The following AUTS2 variants were observed in gnomAD, a reference collection of about 807,000 sequenced individuals.
AUTS2 encodes activator of transcription and developmental regulator AUTS2.
A neutral mutation model predicts 112.4 loss-of-function variants in AUTS2; 17 were observed. The ratio of observed to expected loss-of-function variants is 0.15; its 90% CI spans 0.10 to 0.23. AUTS2 has a LOEUF of 0.23. AUTS2 is among the 10% of genes least tolerant of loss of function. The pLI, the probability that AUTS2 is intolerant of heterozygous loss-of-function variation, is 1.00. For missense variants in AUTS2, 1,510 were observed against 1,701.6 expected, an observed-to-expected ratio of 0.89 and a Z score of 1.98; for synonymous variants, 751 against 702.7, an observed-to-expected ratio of 1.07 and a Z score of -1.09.
chr7:69,793,338 C>T (rs984461325), intron 1 of AUTS2, among the ~76,000 whole-genome samples: 3 of 152,204 alleles, frequency 2.0e-5, no homozygotes, highest in Non-Finnish European at 4.4e-5. Context: ...ATTCGTCAAA[C>T]ATTTATTGAG....
intron 1 of AUTS2, among the ~76,000 whole-genome samples, chr7:69,815,431 G>T (rs1790715546): frequency 6.6e-6 from 1 of 152,082 alleles, no homozygotes; most frequent in Non-Finnish European, 1.5e-5. Context: ...GTTACCTTTG[G>T]AATGATAGAT....
intron 5 of AUTS2, among the ~76,000 whole-genome samples, chr7:70,529,282 A>G (rs968127943): frequency 1.3e-5 from 2 of 152,230 alleles, no homozygotes; most frequent in African/African-American, 4.8e-5. Context: ...ATAAAGAGCT[A>G]AAAAATTTAT....
chr7:70,146,706 C>T (rs573572062), intron 4 of AUTS2, among the ~76,000 whole-genome samples: 10 of 152,180 alleles, frequency 6.6e-5, no homozygotes, highest in Admixed American at 5.2e-4. Context: ...TTCAGGTCAT[C>T]GTGGTGGCAA....
At chr7:69,991,091 AT>A (rs1441311567) in intron 2 of AUTS2, among the ~76,000 whole-genome samples, 5 of 152,206 alleles carry the variant, frequency 3.3e-5, no homozygotes, top group African/African-American at 1.2e-4. Flanking sequence ...GCTAGTAAAA[AT>A]GAAAGAGAGT....
intron 4 of AUTS2, among the ~76,000 whole-genome samples, chr7:70,306,645 C>G (rs1472540376): frequency 1.3e-5 from 2 of 152,090 alleles, no homozygotes; most frequent in Non-Finnish European, 2.9e-5. Flanking sequence ...AAACACTGGG[C>G]AGTATGATGC....
chr7:69,766,182 A>G (rs1271130270), intron 1 of AUTS2, among the ~76,000 whole-genome samples: 3 of 152,228 alleles, frequency 2.0e-5, no homozygotes, highest in Non-Finnish European at 4.4e-5. Context: ...TAAGTATCTC[A>G]TATAACTGGA....
rs143634837 is a variant in AUTS2 at position 70,155,401 on chromosome 7, T to C, written c.660+20830T>C. Among the ~76,000 whole-genome samples the C allele has an allele frequency of 2.5e-3, 375 of 151,776 alleles. 1 individual carries two copies. The highest frequency in any genetic ancestry group is 8.6e-3 in the African/African-American group (355 of 41,366). ...TGACTGCATGGGCTCTTGAATGTGG[T>C]CTTTACTTTGATTGTGGCCTCAACA... On this transcript the variant is annotated intron_variant, in intron 4 of 18. Transcript: ENST00000342771.
intron 4 of AUTS2, among the ~76,000 whole-genome samples, chr7:70,390,946 G>GT (rs1384672445): frequency 6.6e-6 from 1 of 152,180 alleles, no homozygotes; most frequent in African/African-American, 2.4e-5. Context: ...ACACTCCAAA[G>GT]TTTGAGAATG....
chr7:70,197,500 CGAA>C (rs1810247391), intron 4 of AUTS2, among the ~76,000 whole-genome samples: 1 of 133,666 alleles, frequency 7.5e-6, no homozygotes, highest in Non-Finnish European at 1.6e-5. Context: ...GTGCGCGAGC[CGAA>C]GCAGGGCGAG....
intron 7 of AUTS2, among the ~76,000 whole-genome samples, chr7:70,763,992 G>A (rs1302309589): frequency 6.6e-6 from 1 of 152,188 alleles, no homozygotes; most frequent in Non-Finnish European, 1.5e-5. Context: ...GAGGAACACA[G>A]CAAAGAAAAG....
intron 2 of AUTS2, among the ~76,000 whole-genome samples, chr7:70,078,548 G>A (rs1584686505): frequency 6.6e-6 from 1 of 152,034 alleles, no homozygotes; most frequent in African/African-American, 2.4e-5. Flanking sequence ...TTTCTCTTTT[G>A]TACCTACCAT....
chr7:70,718,695 A>G (rs1422448687), intron 6 of AUTS2, among the ~76,000 whole-genome samples: 1 of 152,140 alleles, frequency 6.6e-6, no homozygotes, highest in Non-Finnish European at 1.5e-5. Flanking sequence ...AAAAAAACCC[A>G]ATAACACAGA....
chr7:70,595,214 A>G (rs976813930), intron 5 of AUTS2, among the ~76,000 whole-genome samples: 3 of 152,084 alleles, frequency 2.0e-5, no homozygotes, highest in Non-Finnish European at 2.9e-5. Context: ...ATCCTCAGCC[A>G]CTGGTTTCTA....
intron 4 of AUTS2, among the ~76,000 whole-genome samples, chr7:70,307,096 T>C (rs1789527816): frequency 6.6e-6 from 1 of 152,216 alleles, no homozygotes; most frequent in Non-Finnish European, 1.5e-5. Flanking sequence ...TGACTATGGA[T>C]GGTACTTAGC....
At chr7:70,539,166 A>G (rs1424880470) in intron 5 of AUTS2, among the ~76,000 whole-genome samples, 1 of 152,138 alleles carries the variant, frequency 6.6e-6, no homozygotes, top group Non-Finnish European at 1.5e-5. Context: ...CTGGTACAGC[A>G]CTAAGAATCC....
chr7:70,019,828 G>C (rs1343425089), intron 2 of AUTS2, among the ~76,000 whole-genome samples: 3 of 152,078 alleles, frequency 2.0e-5, no homozygotes, highest in African/African-American at 4.8e-5. Context: ...AAAAATTTTC[G>C]TATGTGATTT....
At chr7:70,071,486 C>T (rs1021383287) in intron 2 of AUTS2, among the ~76,000 whole-genome samples, 2 of 152,180 alleles carry the variant, frequency 1.3e-5, no homozygotes, top group Non-Finnish European at 2.9e-5. Flanking sequence ...TCCCCCTCTC[C>T]TCTCCCACAG....
Position 69,955,713 on chromosome 7 carries a change from T to G in AUTS2, c.522+56215T>G, listed in dbSNP as rs145734709. Reference sequence around the variant, plus strand: ...CCAACCCAAAGTTTAGGGCCTCAATTCCCTGTATGGCCCATGTTCCGTGGC... The same window carrying G: ...CCAACCCAAAGTTTAGGGCCTCAATGCCCTGTATGGCCCATGTTCCGTGGC... On this transcript the variant is annotated intron_variant, in intron 2 of 18. Coordinates refer to ENST00000342771, the MANE Select transcript of AUTS2 (RefSeq NM_015570.4). 3.6e-4 allele frequency among the ~76,000 whole-genome samples: 55 copies of G among 152,184 alleles called. 1 individual carries two copies. The East Asian group carries it at 0.01, about 28-fold the overall frequency.
intron 2 of AUTS2, among the ~76,000 whole-genome samples, chr7:70,016,061 A>G (rs1179870215): frequency 6.6e-6 from 1 of 152,188 alleles, no homozygotes; most frequent in Admixed American, 6.5e-5. Flanking sequence ...AGGTTTCATT[A>G]GCTTGGAAAG....
Sources: allele counts gnomAD v4.1 joint callset (sites outside exome capture counted in the v4.1 genomes callset), GRCh38; gene constraint gnomAD v4.1.1; transcripts MANE v1.5; gene names NCBI Gene and HGNC (gene_info 2026-07-23, HGNC 2026-07-21).